Variants in LRP12 observed in about 807,000 individuals in gnomAD.
LRP12 encodes the protein LDL receptor related protein 12.
LRP12 carries 14 observed loss-of-function variants against 66.0 expected under a neutral mutation model. The observed-to-expected ratio is 0.21, with a 90% confidence interval of 0.14 to 0.33. The LOEUF (loss-of-function observed/expected upper bound fraction) is 0.33, where lower values mean the gene tolerates loss of function less well. Among genes scored for constraint, LRP12 ranks in the 10% least tolerant of loss-of-function variants. The pLI is 1.00. For missense variants in LRP12, 889 were observed against 1,053.4 expected, an observed-to-expected ratio of 0.84 and a Z score of 2.16; for synonymous variants, 357 against 359.1, an observed-to-expected ratio of 0.99 and a Z score of 0.07.
At chr8:104,586,006 CT>C (rs1424716635) in intron 1 of LRP12, among the ~76,000 whole-genome samples, 7 of 152,200 alleles carry the variant, frequency 4.6e-5, no homozygotes, top group African/African-American at 1.2e-4. Flanking sequence ...CGTAGCAAAG[CT>C]TGTGGTTGTC....
intron 2 of LRP12, among the ~76,000 whole-genome samples, chr8:104,521,700 G>C (rs112443585): frequency 0.018 from 2,722 of 151,434 alleles, 87 homozygotes; most frequent in African/African-American, 0.061. Flanking sequence ...TTCAAACTAT[G>C]TTCTGTTTTT....
chr8:104,586,597 C>T (rs771580513), intron 1 of LRP12, among the ~76,000 whole-genome samples: 2 of 152,184 alleles, frequency 1.3e-5, no homozygotes, highest in Non-Finnish European at 2.9e-5. Context: ...AGGATGCATC[C>T]ACCACCCATT....
At chr8:104,551,290 G>A (rs1811721335) in intron 1 of LRP12, among the ~76,000 whole-genome samples, 1 of 152,118 alleles carries the variant, frequency 6.6e-6, no homozygotes, top group Non-Finnish European at 1.5e-5. Flanking sequence ...TGCTCACATA[G>A]TACATTGTAT....
intron 1 of LRP12, among the ~76,000 whole-genome samples, chr8:104,548,669 A>ATTATATAATTATTATATAATTAG (rs1811679093): frequency 7.0e-6 from 1 of 143,256 alleles, no homozygotes; most frequent in South Asian, 2.2e-4. Flanking sequence ...TATATAATTA[A>ATTATATAATTATTATATAATTAG]TATGGGTGCA....
intron 2 of LRP12, among the ~76,000 whole-genome samples, chr8:104,517,104 C>T (rs1811081221): frequency 6.6e-6 from 1 of 151,276 alleles, no homozygotes; most frequent in Non-Finnish European, 1.5e-5. Context: ...ATAGAGAACT[C>T]ATGTTCTCAT....
intron 1 of LRP12, among the ~76,000 whole-genome samples, chr8:104,532,956 T>C (rs1382594755): frequency 1.3e-5 from 2 of 152,136 alleles, no homozygotes; most frequent in Non-Finnish European, 2.9e-5. Flanking sequence ...GCACTTGATA[T>C]AGTGCCTGGC....
At position 104,546,282 on chromosome 8, in the gene LRP12, T is replaced by C. The variant is rs116926374; in HGVS notation, c.80-14319A>G. 2.9e-3 allele frequency among the ~76,000 whole-genome samples: 434 copies of C among 152,188 alleles called. 5 individuals are homozygous for C. The highest frequency in any genetic ancestry group is 1.2e-3 in the Non-Finnish European group (79 of 68,006). ...GTATAACTTATATGCAAAAAATCCA[T>C]CAACTTCAAGGGTTTGATAAGTGCG... On this transcript the variant is annotated intron_variant, in intron 1 of 6. Coordinates refer to ENST00000276654, the MANE Select transcript of LRP12 (RefSeq NM_013437.5).
intron 1 of LRP12, among the ~76,000 whole-genome samples, chr8:104,549,539 A>T (rs938826867): frequency 6.6e-6 from 1 of 151,144 alleles, no homozygotes; most frequent in African/African-American, 2.4e-5. Context: ...AGTAGCTGGG[A>T]CTACAGGCGC....
At chr8:104,498,126 A>C (rs1319195003) in intron 4 of LRP12, 50 bp from the exon 5 acceptor site, 3 of 1,477,074 alleles carry the variant, frequency 2.0e-6, no homozygotes, top group Non-Finnish European at 2.7e-6. Flanking sequence ...GAAAAATTAT[A>C]ATCTTTAAAA....
chr8:104,578,139 A>C (rs575581254), intron 1 of LRP12, among the ~76,000 whole-genome samples: 1 of 152,176 alleles, frequency 6.6e-6, no homozygotes, highest in South Asian at 2.1e-4. Flanking sequence ...AAAATTAATA[A>C]AACAGACCAC....
Position 104,566,179 on chromosome 8 carries a change from G to A in LRP12, c.79+22640C>T, listed in dbSNP as rs547282420. Reference sequence around the variant, plus strand: ...GAGAATATTGTACACAAAGATTCTTGATGTTCTTGAGCAAATCCCTGAAAA... The same window carrying A: ...GAGAATATTGTACACAAAGATTCTTAATGTTCTTGAGCAAATCCCTGAAAA... On this transcript the variant is annotated intron_variant, in intron 1 of 6. Coordinates refer to ENST00000276654, the MANE Select transcript of LRP12 (RefSeq NM_013437.5). 2.3e-5 allele frequency: 15 copies of A among 644,726 alleles called. No individual in the cohort carries two copies. In the East Asian group the frequency reaches 5.8e-4, roughly 25 times the overall value. 39.9% of individuals were successfully genotyped at this position (644,726 alleles called of 1,614,324 possible).
At chr8:104,548,540 G>A (rs192940063) in intron 1 of LRP12, among the ~76,000 whole-genome samples, 23 of 107,886 alleles carry the variant, frequency 2.1e-4, no homozygotes, top group African/African-American at 1.0e-3. Context: ...ATAATTCTAT[G>A]TTATATTTTG....
At chr8:104,494,724 T>C (rs1810695273) in intron 6 of LRP12, among the ~76,000 whole-genome samples, 2 of 152,196 alleles carry the variant, frequency 1.3e-5, no homozygotes, top group Non-Finnish European at 2.9e-5. Flanking sequence ...GTGGTTAATC[T>C]AGCATGTTAT....
At chr8:104,587,111 C>A (rs1234929262) in intron 1 of LRP12, among the ~76,000 whole-genome samples, 3 of 152,144 alleles carry the variant, frequency 2.0e-5, no homozygotes, top group Non-Finnish European at 4.4e-5. Context: ...CAAAAGACTT[C>A]TAGTTCAAAC....
intron 1 of LRP12, among the ~76,000 whole-genome samples, chr8:104,550,886 C>A (rs183271019): frequency 2.0e-5 from 3 of 152,108 alleles, no homozygotes; most frequent in Non-Finnish European, 4.4e-5. Flanking sequence ...CCTTTTTGCA[C>A]TATTCTCTCA....
intron 2 of LRP12, among the ~76,000 whole-genome samples, chr8:104,520,847 A>G (rs923357057): frequency 1.3e-5 from 2 of 152,112 alleles, no homozygotes; most frequent in African/African-American, 4.8e-5. Context: ...TCAACTTTGA[A>G]GAGTTATTCC....
At position 104,491,205 on chromosome 8, in the gene LRP12, G is replaced by C; in HGVS notation, c.2048C>G (p.Thr683Arg). 1 of 1,614,000 alleles carries C rather than the reference G, an allele frequency of 6.2e-7. No individual in the cohort carries two copies. Among genetic ancestry groups the C allele is most frequent in the Non-Finnish European group, 8.5e-7 (1 of 1,180,010 alleles). Residue 683 changes from threonine (T) to arginine (R), a missense_variant, in exon 7 of 7, where the codon ACG (threonine) becomes AGG (arginine). By Grantham distance (71) the Thr-to-Arg change is moderately conservative. Transcript: ENST00000276654. ...APLPQKVPPT[T>R]AVEATVGACA... ...TGCTCCTACTGTCGCTTCTACTGCCGTTGTGGGAGGGACTTTTTGAGGCAA... is the reference window on the plus strand; with the variant it reads ...TGCTCCTACTGTCGCTTCTACTGCCCTTGTGGGAGGGACTTTTTGAGGCAA...
rs1403733442 is a variant in LRP12, at chr8:104,490,493, T to C, written c.*180A>G. The C allele has an allele frequency of 1.6e-5, 10 of 608,912 alleles. No individual in the cohort carries two copies. The highest frequency in any genetic ancestry group is 2.8e-5 in the Non-Finnish European group (10 of 362,768). The allele number at this position is 608,912 out of a possible 1,614,324, so 37.7% of individuals were successfully genotyped here. On this transcript the variant is annotated 3_prime_UTR_variant, in exon 7 of 7. Coordinates refer to ENST00000276654, the MANE Select transcript of LRP12 (RefSeq NM_013437.5). ...GATGCATTTTTAGCTGCTAAAATAGTAAACTCTAAGTTCATAGAGTTACAA... is the reference window on the plus strand; with the variant it reads ...GATGCATTTTTAGCTGCTAAAATAGCAAACTCTAAGTTCATAGAGTTACAA...
intron 1 of LRP12, among the ~76,000 whole-genome samples, chr8:104,579,910 C>T (rs568491688): frequency 5.9e-5 from 9 of 152,082 alleles, no homozygotes; most frequent in Admixed American, 1.3e-4. Context: ...CCTCCTTACA[C>T]CATATACAAA....
Sources: gnomAD v4.1 joint callset for allele counts (sites outside exome capture counted in the v4.1 genomes callset) on GRCh38, gnomAD v4.1.1 for gene constraint, MANE v1.5 for transcripts, NCBI Gene and HGNC (gene_info 2026-07-23, HGNC 2026-07-21) for gene names.